GRID1: variants seen among roughly 807,000 people sequenced by gnomAD.
GRID1 encodes glutamate ionotropic receptor delta type subunit 1, also known as glutamate receptor ionotropic, delta-1.
In GRID1, 28 loss-of-function variants were observed where a neutral mutation model predicts 98.0. The ratio of observed to expected loss-of-function variants is 0.29; its 90% CI spans 0.21 to 0.39. The LOEUF (loss-of-function observed/expected upper bound fraction) is 0.39. Among genes scored for constraint, GRID1 ranks in the 10% least tolerant of loss-of-function variants. GRID1 has a pLI of 1.00. For missense variants in GRID1, 1,111 were observed against 1,340.5 expected (o/e 0.83, Z 2.67); for synonymous variants, 553 against 538.5 (o/e 1.03, Z -0.37).
At chr10:85,670,364 C>A (rs7097285) in intron 12 of GRID1, among the ~76,000 whole-genome samples, 40,583 of 152,040 alleles carry the variant, frequency 0.27, 5,583 homozygotes, top group Middle Eastern at 0.37. Context: ...ATTCTGCCTG[C>A]CCCCTGAATG....
At chr10:86,257,429 G>A (rs1216268501) in intron 2 of GRID1, among the ~76,000 whole-genome samples, 1 of 152,172 alleles carries the variant, frequency 6.6e-6, no homozygotes, top group Non-Finnish European at 1.5e-5. Context: ...TGAGCAAAAC[G>A]GAGCTCAACA....
chr10:85,706,280 C>G (rs1204249179), intron 12 of GRID1, among the ~76,000 whole-genome samples: 3 of 152,176 alleles, frequency 2.0e-5, no homozygotes, highest in African/African-American at 7.2e-5. Context: ...GATACAAAAT[C>G]AATGTGCAAA....
chr10:85,788,323 A>G (rs1842448559), intron 8 of GRID1, among the ~76,000 whole-genome samples: 1 of 152,130 alleles, frequency 6.6e-6, no homozygotes, highest in Admixed American at 6.5e-5. Context: ...TCCGCAGTCC[A>G]TGCTCCCAAA....
chr10:86,221,732 T>A (rs1846257101), intron 2 of GRID1, among the ~76,000 whole-genome samples: 1 of 150,680 alleles, frequency 6.6e-6, no homozygotes, highest in Non-Finnish European at 1.5e-5. Context: ...GAGGGTGGAG[T>A]CCCCAGAAGT....
At chr10:85,809,497 A>T (rs964405449) in intron 8 of GRID1, among the ~76,000 whole-genome samples, 2 of 152,230 alleles carry the variant, frequency 1.3e-5, no homozygotes, top group Non-Finnish European at 2.9e-5. Flanking sequence ...TAGACAAAAA[A>T]GTATGTTCCT....
chr10:86,035,024 A>T (rs1843240168), intron 4 of GRID1, among the ~76,000 whole-genome samples: 1 of 152,050 alleles, frequency 6.6e-6, no homozygotes, highest in African/African-American at 2.4e-5. Flanking sequence ...CTGGGGACTT[A>T]CTAAATCTAG....
chr10:86,173,180 G>A (rs1157246434), intron 3 of GRID1, among the ~76,000 whole-genome samples: 3 of 152,302 alleles, frequency 2.0e-5, no homozygotes, highest in Non-Finnish European at 2.9e-5. Context: ...TGGGACTACA[G>A]GTGTGTGCCA....
intron 5 of GRID1, among the ~76,000 whole-genome samples, chr10:85,905,245 G>A (rs1000864012): frequency 1.3e-5 from 2 of 151,942 alleles, no homozygotes; most frequent in Non-Finnish European, 2.9e-5. Flanking sequence ...GTACTGAAAG[G>A]AAATACTGTT....
chr10:85,655,812 G>GT (rs768515283), intron 12 of GRID1, among the ~76,000 whole-genome samples: 1 of 152,034 alleles, frequency 6.6e-6, no homozygotes, highest in Non-Finnish European at 1.5e-5. Context: ...TGACAGCTTT[G>GT]TTTTTACTCC....
At chr10:86,259,404 T>A (rs558588798) in intron 2 of GRID1, among the ~76,000 whole-genome samples, 2 of 152,390 alleles carry the variant, frequency 1.3e-5, no homozygotes, top group South Asian at 4.1e-4. Flanking sequence ...TCCTCCCTTG[T>A]GTGCGTGTAA....
intron 8 of GRID1, among the ~76,000 whole-genome samples, chr10:85,771,598 A>G (rs928374182): frequency 8.5e-5 from 13 of 152,174 alleles, no homozygotes; most frequent in African/African-American, 3.1e-4. Flanking sequence ...CAGAGACACA[A>G]ATAGGCTCAA....
chr10:85,760,814 G>C (rs976089208), intron 8 of GRID1, among the ~76,000 whole-genome samples: 5 of 152,194 alleles, frequency 3.3e-5, no homozygotes, highest in Admixed American at 6.5e-5. Context: ...GCAGCAATTT[G>C]AGGTTCCCTG....
chr10:86,119,572 A>T (rs1474008687), intron 4 of GRID1, among the ~76,000 whole-genome samples: 1 of 152,124 alleles, frequency 6.6e-6, no homozygotes, highest in Admixed American at 6.5e-5. Flanking sequence ...TATAGGATAC[A>T]CTTCTAAAAT....
rs748006819 is a variant in GRID1, at chr10:85,602,624, A to G, written c.2679T>C (p.Ile893=). ...LMDEDIAHKQ[I]SPASIELSAL... is the part of the protein sequence containing the mutation. ...CCGAGAGCTCAATCGACGCTGGGGA[A>G]ATCTGCTTGTGAGCAATGTCTTCAT... is the stretch of plus-strand genomic sequence containing the variant. Residue 893 remains isoleucine (I), a synonymous_variant, in exon 16 of 16, where the codon ATT becomes ATC. Coordinates refer to ENST00000327946, the MANE Select transcript of GRID1 (RefSeq NM_017551.3). 4.3e-6 allele frequency: 7 copies of G among 1,613,718 alleles called. No homozygotes were observed. The highest frequency in any genetic ancestry group is 5.9e-6 in the Non-Finnish European group (7 of 1,179,928).
At chr10:85,859,695 T>G (rs1241400322) in intron 6 of GRID1, among the ~76,000 whole-genome samples, 1 of 152,124 alleles carries the variant, frequency 6.6e-6, no homozygotes, top group East Asian at 1.9e-4. Flanking sequence ...AGATATTGTC[T>G]CTCCCTGCCT....
intron 3 of GRID1, among the ~76,000 whole-genome samples, chr10:86,161,490 G>T (rs1175271292): frequency 1.3e-5 from 2 of 152,132 alleles, no homozygotes; most frequent in African/African-American, 4.8e-5. Flanking sequence ...CCTCCCATGA[G>T]AAATGCCCTA....
chr10:85,996,803 T>G (rs1469663295), intron 4 of GRID1, among the ~76,000 whole-genome samples: 2 of 140,022 alleles, frequency 1.4e-5, no homozygotes, highest in South Asian at 2.2e-4. Context: ...CACTTCAGCA[T>G]GGGCGACAAA....
intron 8 of GRID1, among the ~76,000 whole-genome samples, chr10:85,760,455 A>T (rs1021220833): frequency 6.6e-6 from 1 of 152,210 alleles, no homozygotes; most frequent in African/African-American, 2.4e-5. Flanking sequence ...CCTGGCACAC[A>T]AGCCAGTTTC....
At chr10:85,802,878 CACACA>C in intron 8 of GRID1, among the ~76,000 whole-genome samples, 1 of 148,936 alleles carries the variant, frequency 6.7e-6, no homozygotes, top group African/African-American at 2.5e-5. Flanking sequence ...CACACACACA[CACACA>C]CACCAAGGAA....
Sources: allele counts gnomAD v4.1 joint callset (sites outside exome capture counted in the v4.1 genomes callset), GRCh38; gene constraint gnomAD v4.1.1; transcripts MANE v1.5; gene names NCBI Gene and HGNC (gene_info 2026-07-23, HGNC 2026-07-21).